The following KANK1 variants were observed in gnomAD, a reference collection of about 807,000 sequenced individuals.
The protein encoded by KANK1 is KN motif and ankyrin repeat domains 1.
KANK1 carries 109 observed loss-of-function variants against 106.2 expected under a neutral mutation model. The ratio of observed to expected loss-of-function variants is 1.03; its 90% CI spans 0.88 to 1.20. The LOEUF (loss-of-function observed/expected upper bound fraction) is 1.20. Ranked by LOEUF, KANK1 falls within the 50% of genes most tolerant of loss-of-function variation. KANK1 has a pLI of 0.00. For missense variants in KANK1, 2,399 were observed against 1,710.7 expected, an observed-to-expected ratio of 1.40 and a Z score of -7.10; for synonymous variants, 873 against 652.2, an observed-to-expected ratio of 1.34 and a Z score of -5.16.
In KANK1 at chr9:679,097, A is replaced by T. The variant is rs147874250; in HGVS notation, c.37+2088A>T. 7.5e-4 allele frequency among the ~76,000 whole-genome samples: 114 copies of T among 152,242 alleles called. 1 individual carries two copies. Among genetic ancestry groups the T allele is most frequent in the African/African-American group, 2.7e-3 (111 of 41,538 alleles). Reference sequence around the variant, plus strand: ...CTTCCCACCTGGTATCCTGCCTAACAGGTCTGGGCATTGAGGTTGAAGGCA... The same window carrying T: ...CTTCCCACCTGGTATCCTGCCTAACTGGTCTGGGCATTGAGGTTGAAGGCA... On this transcript the variant is annotated intron_variant, in intron 2 of 11. Transcript: ENST00000382297.
intron 7 of KANK1, chr9:735,693 A>G (rs1833603363): frequency 2.5e-6 from 1 of 396,832 alleles, no homozygotes; most frequent in South Asian, 1.8e-5. Context: ...TCATTTCTAT[A>G]TCATAATACC....
intron 2 of KANK1, among the ~76,000 whole-genome samples, chr9:697,263 C>T (rs906264193): frequency 1.3e-5 from 2 of 152,124 alleles, no homozygotes; most frequent in African/African-American, 4.8e-5. Context: ...GCCTTCTTGG[C>T]AGGACAGTGC....
chr9:745,113 G>A (rs1443560690), intron 11 of KANK1, 60 bp from the exon 12 acceptor site: 1 of 1,598,808 alleles, frequency 6.3e-7, no homozygotes, highest in African/African-American at 1.3e-5. Flanking sequence ...ATGTCACAGG[G>A]TACACATCTG....
At position 734,649 on chromosome 9, in the gene KANK1, G is replaced by T. The variant is rs569129646; in HGVS notation, c.3246-99G>T. On this transcript the variant is annotated intron_variant, in intron 6 of 11. Transcript: ENST00000382297. ...CCACTGCACTCCAGCCTGGGCGACA[G>T]AGCATGACCCTGTCTCAAAAAAAAA... The T allele has an allele frequency of 1.3e-5, 10 of 786,686 alleles. No individual in the cohort carries two copies. In the East Asian group the frequency reaches 2.8e-4, roughly 22 times the overall value. The allele number at this position is 786,686 out of a possible 1,614,324, so 48.7% of individuals were successfully genotyped here. A position where few individuals can be genotyped will look rare whatever the true frequency, so the allele number is the denominator to read the frequency against.
chr9:647,008 A>G (rs1182906617), intron 1 of KANK1, among the ~76,000 whole-genome samples: 1 of 150,894 alleles, frequency 6.6e-6, no homozygotes, highest in East Asian at 1.9e-4. Context: ...CTTAAACATC[A>G]TTGTAAAAAT....
intron 4 of KANK1, 120 bp from the exon 5 acceptor site, chr9:731,038 C>T (rs181829272): frequency 3.2e-5 from 15 of 469,452 alleles, no homozygotes; most frequent in Admixed American, 8.3e-5. Context: ...GTGGAAACTT[C>T]TCACATATAT....
At chr9:516,139 A>C (rs1029640801) in intron 1 of KANK1, among the ~76,000 whole-genome samples, 1 of 151,498 alleles carries the variant, frequency 6.6e-6, no homozygotes, top group Non-Finnish European at 1.5e-5. Context: ...TAAGGTACTT[A>C]CAGGTGTTGT....
chr9:496,930 A>G (rs1044029411), intron 3 of KANK1, among the ~76,000 whole-genome samples: 3 of 152,192 alleles, frequency 2.0e-5, no homozygotes, highest in African/African-American at 7.2e-5. Context: ...ATATTTTATA[A>G]TAGTAACAAT....
Position 711,819 on chromosome 9 carries a change from G to A in KANK1, c.1053G>A (p.Glu351=). The A allele has an allele frequency of 1.2e-6, 2 of 1,614,120 alleles. No individual in the cohort carries two copies. Among genetic ancestry groups the A allele is most frequent in the Non-Finnish European group, 1.7e-6 (2 of 1,180,024 alleles). The change falls in exon 3 of 12, where the codon GAG becomes GAA. Residue 351 remains glutamate (E), a synonymous_variant. Transcript: ENST00000382297. The part of the protein sequence containing the change: ...SGGELYIDYE[E]EEMETVEQST... ...GGGAATTATACATTGACTATGAGGA[G>A]GAAGAAATGGAGACCGTAGAACAGA...
At position 564,977 on chromosome 9, in the gene KANK1, C is replaced by A. The variant is rs116549714; in HGVS notation, c.-84+60223C>A. On this transcript the variant is annotated intron_variant, in intron 1 of 11. Transcript: ENST00000382297. ...CAGGTAACAAAGAGTGTGTGCAGGG[C>A]GGCTTCACTGAGAAGGAGCCTGGTG... Among the ~76,000 whole-genome samples, 871 of 152,154 alleles carry A rather than the reference C, an allele frequency of 5.7e-3. 8 individuals are homozygous for A. Among genetic ancestry groups the A allele is most frequent in the African/African-American group, 0.02 (835 of 41,510 alleles).
chr9:511,226 G>A (rs2059015085), intron 1 of KANK1, among the ~76,000 whole-genome samples: 1 of 152,184 alleles, frequency 6.6e-6, no homozygotes, highest in Admixed American at 6.5e-5. Flanking sequence ...ACTGCATTTA[G>A]GCAATAGGTT....
At chr9:491,490 A>G (rs2058377195) in intron 3 of KANK1, among the ~76,000 whole-genome samples, 2 of 150,856 alleles carry the variant, frequency 1.3e-5, no homozygotes, top group South Asian at 4.2e-4. Context: ...GATGCTCTCA[A>G]TGTCTTGACC....
At chr9:498,820 G>A (rs1481714625) in intron 3 of KANK1, among the ~76,000 whole-genome samples, 1 of 152,172 alleles carries the variant, frequency 6.6e-6, no homozygotes, top group Non-Finnish European at 1.5e-5. Context: ...CTTATACATT[G>A]TTAACAGGAA....
intron 1 of KANK1, among the ~76,000 whole-genome samples, chr9:513,183 A>T (rs1473867170): frequency 6.6e-6 from 1 of 152,108 alleles, no homozygotes; most frequent in African/African-American, 2.4e-5. Flanking sequence ...TTTGGCTTTT[A>T]AACTCAGATA....
chr9:608,953 G>T (rs991747484), intron 1 of KANK1, among the ~76,000 whole-genome samples: 1 of 152,080 alleles, frequency 6.6e-6, no homozygotes, highest in African/African-American at 2.4e-5. Flanking sequence ...TAACACATGG[G>T]CGTATACTCA....
chr9:522,436 T>C (rs2059594797), intron 1 of KANK1, among the ~76,000 whole-genome samples: 1 of 151,508 alleles, frequency 6.6e-6, no homozygotes, highest in Admixed American at 6.6e-5. Flanking sequence ...CTCCGTCTCT[T>C]TCATGGTTTT....
At chr9:590,140 G>C (rs563962482) in intron 1 of KANK1, among the ~76,000 whole-genome samples, 1 of 152,244 alleles carries the variant, frequency 6.6e-6, no homozygotes, top group Non-Finnish European at 1.5e-5. Flanking sequence ...TCCTGTCTAG[G>C]TACCTTTTCC....
At chr9:551,979 T>G (rs2061311675) in intron 1 of KANK1, among the ~76,000 whole-genome samples, 1 of 151,752 alleles carries the variant, frequency 6.6e-6, no homozygotes, top group African/African-American at 2.4e-5. Context: ...TCACTTGAGC[T>G]CAGAAGGTCA....
rs547716510 is a variant in KANK1 at position 504,761 on chromosome 9, G to A, written c.-84+7G>A. 1.7e-3 allele frequency: 95 copies of A among 56,808 alleles called. No individual in the cohort carries two copies. The highest frequency in any genetic ancestry group is 6.1e-3 in the African/African-American group (87 of 14,204). The allele number at this position is 56,808 out of a possible 1,614,324, so 3.5% of individuals were successfully genotyped here. ...TTGGGAGGAGCGGCCGAAGGTGAGT[G>A]ACGCGGCGGGGCCGTGCCGCGCCCC... is the stretch of plus-strand genomic sequence containing the variant. On this transcript the variant is annotated splice_region_variant and intron_variant, in intron 1 of 11. Transcript: ENST00000382297.
Sources: gnomAD v4.1 joint callset for allele counts (sites outside exome capture counted in the v4.1 genomes callset) on GRCh38, gnomAD v4.1.1 for gene constraint, MANE v1.5 for transcripts, NCBI Gene and HGNC (gene_info 2026-07-23, HGNC 2026-07-21) for gene names.